The following NSMAF variants were observed in gnomAD, a reference collection of about 807,000 sequenced individuals.
NSMAF encodes protein FAN.
A neutral mutation model predicts 134.9 loss-of-function variants in NSMAF; 90 were observed. The observed-to-expected ratio is 0.67, with a 90% CI of 0.56 to 0.79. The LOEUF is 0.79. NSMAF is among the 30% of genes least tolerant of loss of function. NSMAF has a pLI of 0.00. For synonymous variants in NSMAF, 358 were observed against 389.6 expected (o/e 0.92, Z 0.96); for missense variants, 1,010 against 1,119.0 (o/e 0.90, Z 1.39).
chr8:58,623,547 T>C (rs1806841297), intron 7 of NSMAF, 123 bp from the exon 8 acceptor site: 1 of 1,106,466 alleles, frequency 9.0e-7, no homozygotes, highest in East Asian at 2.4e-5. Flanking sequence ...GATATACCTA[T>C]GGCTTCTTCC....
intron 2 of NSMAF, among the ~76,000 whole-genome samples, chr8:58,641,108 A>T (rs1349509669): frequency 6.6e-6 from 1 of 151,970 alleles, no homozygotes; most frequent in African/African-American, 2.4e-5. Flanking sequence ...TTTAGCAGAG[A>T]CGAGGTTTCA....
At chr8:58,585,551 G>A in intron 30 of NSMAF, 101 bp downstream of exon 30, 1 of 795,736 alleles carries the variant, frequency 1.3e-6, no homozygotes, top group Non-Finnish European at 2.1e-6. Context: ...AAAAACCATG[G>A]GTGTTTTTTG....
intron 22 of NSMAF, 49 bp from the exon 23 acceptor site, chr8:58,594,339 T>C (rs1207893141): frequency 6.7e-7 from 1 of 1,499,432 alleles, no homozygotes; most frequent in Non-Finnish European, 9.3e-7. Context: ...TGTGTTAGGA[T>C]ACCCTCTTTG....
intron 26 of NSMAF, chr8:58,588,535 C>T (rs1805946719): frequency 8.1e-7 from 1 of 1,242,204 alleles, no homozygotes; most frequent in Non-Finnish European, 1.2e-6. Context: ...GTGAATTGCA[C>T]AACTCACACA....
intron 1 of NSMAF, 76 bp downstream of exon 1, chr8:58,659,497 C>CA (rs1211474109): frequency 6.6e-7 from 1 of 1,507,000 alleles, no homozygotes; most frequent in African/African-American, 1.4e-5. Context: ...TCCCGTCCCT[C>CA]AGATCTCCGG....
chr8:58,587,589 T>G, intron 27 of NSMAF, 29 bp downstream of exon 27: 1 of 1,602,752 alleles, frequency 6.2e-7, no homozygotes. Flanking sequence ...TAAGGTCAGT[T>G]TTCTGTACAG....
intron 19 of NSMAF, 32 bp downstream of exon 19, chr8:58,599,200 T>C: frequency 6.3e-7 from 1 of 1,585,466 alleles, no homozygotes. Flanking sequence ...ATTCACCCAA[T>C]GCTAAATAAA....
Position 58,589,482 on chromosome 8 carries a change from T to C in NSMAF, c.2181A>G (p.Leu727=), listed in dbSNP as rs1482008353. The change falls in exon 26 of 31, where the codon CTA becomes CTG. Residue 727 remains leucine, a synonymous_variant. Coordinates refer to ENST00000038176, the MANE Select transcript of NSMAF (RefSeq NM_003580.4). ...VSKICWHDNR[L]YSASWDSTVK... The stretch of plus-strand genomic sequence containing the variant: ...CTGTAGAGTCCCACGATGCAGAATA[T>C]AGCCTGTTGTCATGCCAACAGATCT... 2 of 1,549,986 alleles carry C rather than the reference T, an allele frequency of 1.3e-6. No individual in the cohort carries two copies. Among genetic ancestry groups the C allele is most frequent in the Non-Finnish European group, 8.6e-7 (1 of 1,158,106 alleles).
rs1805984129 is a variant in NSMAF at position 58,589,947 on chromosome 8, T to C, written c.2087+60A>G. 5.6e-6 allele frequency: 8 copies of C among 1,427,408 alleles called. No homozygotes were observed. In the Admixed American group the frequency reaches 1.2e-4, roughly 21 times the overall value. 88.4% of individuals were successfully genotyped at this position (1,427,408 alleles called of 1,614,324 possible). A position where few individuals can be genotyped will look rare whatever the true frequency, so the allele number is the denominator to read the frequency against. ...AAAGCTTCTGGCTTTTCACACCTCATGTCCACAGAGGCAGCTATTCTGCAC... is the reference window on the plus strand; with the variant it reads ...AAAGCTTCTGGCTTTTCACACCTCACGTCCACAGAGGCAGCTATTCTGCAC... On this transcript the variant is annotated intron_variant, in intron 25 of 30. Coordinates refer to ENST00000038176, the MANE Select transcript of NSMAF (RefSeq NM_003580.4).
At chr8:58,650,890 T>A (rs1454150305) in intron 1 of NSMAF, among the ~76,000 whole-genome samples, 1 of 152,212 alleles carries the variant, frequency 6.6e-6, no homozygotes, top group Non-Finnish European at 1.5e-5. Context: ...TATTGCCACT[T>A]CCTGTTTTCC....
chr8:58,602,032 A>C, intron 14 of NSMAF, 26 bp downstream of exon 14: 1 of 1,578,024 alleles, frequency 6.3e-7, no homozygotes, highest in Admixed American at 1.7e-5. Context: ...GTTGCTTAGA[A>C]ACCAAGAATC....
intron 9 of NSMAF, among the ~76,000 whole-genome samples, chr8:58,616,346 T>C (rs1004157487): frequency 6.6e-6 from 1 of 152,084 alleles, no homozygotes; most frequent in African/African-American, 2.4e-5. Context: ...CTCATCAATA[T>C]AGATATAAAA....
At chr8:58,652,937 C>T (rs1049364183) in intron 1 of NSMAF, among the ~76,000 whole-genome samples, 2 of 152,112 alleles carry the variant, frequency 1.3e-5, no homozygotes, top group Non-Finnish European at 2.9e-5. Flanking sequence ...GAGGATATGA[C>T]ATGTAAGAAG....
chr8:58,600,246 A>T (rs561531918), intron 16 of NSMAF: 1 of 567,340 alleles, frequency 1.8e-6, no homozygotes, highest in African/African-American at 1.9e-5. Flanking sequence ...GAGTGGGCAT[A>T]GAGTCCGAGT....
chr8:58,583,948 A>C lies in NSMAF; in HGVS notation c.*158T>G. On this transcript the variant is annotated 3_prime_UTR_variant, in exon 31 of 31. Transcript: ENST00000038176. ...AAGAGAATAGCAACTAATGGCTTTC[A>C]ATGAAGTCACCATGATTTAGAAAGT... The C allele has an allele frequency of 1.6e-6, 1 of 643,160 alleles. No homozygotes were observed. The highest frequency in any genetic ancestry group is 2.8e-6 in the Non-Finnish European group (1 of 362,064). 39.8% of individuals were successfully genotyped at this position (643,160 alleles called of 1,614,324 possible).
At chr8:58,639,616 G>C (rs1345120852) in intron 2 of NSMAF, among the ~76,000 whole-genome samples, 1 of 152,128 alleles carries the variant, frequency 6.6e-6, no homozygotes, top group Non-Finnish European at 1.5e-5. Flanking sequence ...TACATCCAAA[G>C]CAAATGGAGC....
At chr8:58,632,082 C>T (rs1423121173) in intron 5 of NSMAF, among the ~76,000 whole-genome samples, 1 of 152,148 alleles carries the variant, frequency 6.6e-6, no homozygotes, top group Non-Finnish European at 1.5e-5. Flanking sequence ...ACTGCTTTTC[C>T]TCCTGCAACA....
At chr8:58,594,125 T>G (rs371500698) in intron 23 of NSMAF, 107 bp downstream of exon 23, 2 of 871,694 alleles carry the variant, frequency 2.3e-6, no homozygotes. Flanking sequence ...GTTTACTTTA[T>G]GTGGAGGCAG....
chr8:58,599,597 CAT>C (rs1806226662), intron 18 of NSMAF, 151 bp downstream of exon 18: 4 of 923,848 alleles, frequency 4.3e-6, no homozygotes, highest in South Asian at 3.6e-5. Flanking sequence ...ATCACAGACT[CAT>C]AGAATACTTC....
Sources: gnomAD v4.1 joint callset for allele counts (sites outside exome capture counted in the v4.1 genomes callset) on GRCh38, gnomAD v4.1.1 for gene constraint, MANE v1.5 for transcripts, NCBI Gene and HGNC (gene_info 2026-07-23, HGNC 2026-07-21) for gene names.